Variants in SLC16A1 observed in about 807,000 individuals in gnomAD.
SLC16A1 encodes solute carrier family 16 member 1.
Under a neutral mutation model 32.2 loss-of-function variants are expected in SLC16A1, and 11 were observed. The ratio of observed to expected loss-of-function variants is 0.34; its 90% confidence interval spans 0.21 to 0.56. SLC16A1 has a LOEUF of 0.56. Among genes scored for constraint, SLC16A1 ranks in the 20% least tolerant of loss-of-function variants. The pLI, the probability that SLC16A1 is intolerant of heterozygous loss-of-function variation, is 0.87. For missense variants in SLC16A1, 435 were observed against 615.0 expected, an observed-to-expected ratio of 0.71 and a Z score of 3.10; for synonymous variants, 231 against 226.8, an observed-to-expected ratio of 1.02 and a Z score of -0.17.
intron 2 of SLC16A1, among the ~76,000 whole-genome samples, chr1:112,928,296 C>A (rs1649008684): frequency 6.6e-6 from 1 of 152,142 alleles, no homozygotes; most frequent in Admixed American, 6.5e-5. Context: ...ATATTACTGT[C>A]TCAAAAGGAT....
chr1:112,955,662 G>A (rs72683452), intron 1 of SLC16A1: 27,547 of 152,126 alleles, frequency 0.18, 2,750 homozygotes, highest in Non-Finnish European at 0.23. Flanking sequence ...ACCACATGCA[G>A]CAGCCTCATG....
At chr1:112,923,746 AG>A in intron 2 of SLC16A1, 1 of 1,525,770 alleles carries the variant, frequency 6.6e-7, no homozygotes, top group Non-Finnish European at 9.1e-7. Flanking sequence ...CAGCTGCACC[AG>A]GAGGGCAAGT....
chr1:112,925,298 G>A (rs1406266337), intron 2 of SLC16A1, among the ~76,000 whole-genome samples: 2 of 151,990 alleles, frequency 1.3e-5, no homozygotes, highest in African/African-American at 4.8e-5. Context: ...GCCTCCAAAA[G>A]TGCTGGGATT....
chr1:112,924,383 CCT>C lies in SLC16A1; in HGVS notation c.218-2252_218-2251del, dbSNP rs747043111. 1,050 of 1,182,768 alleles carry C rather than the reference CCT, an allele frequency of 8.9e-4. 1 individual carries two copies. The highest frequency in any genetic ancestry group is 1.2e-3 in the Non-Finnish European group (922 of 788,230). The allele number at this position is 1,182,768 out of a possible 1,614,324, so 73.3% of individuals were successfully genotyped here. On this transcript the variant is annotated intron_variant, in intron 2 of 4. Coordinates refer to ENST00000369626, the MANE Select transcript of SLC16A1 (RefSeq NM_003051.4). Reference sequence around the variant, plus strand: ...CAGGTTGCCCAAGGCTCTTCTGTAACCTCTTTTGTTTCTCACACTTTCTTTAA... The same window carrying C: ...CAGGTTGCCCAAGGCTCTTCTGTAACCTTTTGTTTCTCACACTTTCTTTAA...
Position 112,913,663 on chromosome 1 carries a change from AAACAG to A in SLC16A1, c.*223_*227del. On this transcript the variant is annotated 3_prime_UTR_variant, in exon 5 of 5. Coordinates refer to ENST00000369626, the MANE Select transcript of SLC16A1 (RefSeq NM_003051.4). The stretch of plus-strand genomic sequence containing the variant: ...TAAAAGCTAAGATTAAAACAAAACA[AAACAG>A]AACCTACTTCTTTCCCCCATCCTTT... The A allele has an allele frequency of 6.8e-6, 4 of 585,078 alleles. No individual in the cohort carries two copies. The South Asian group carries it at 8.0e-5, about 12-fold the overall frequency. 36.2% of individuals were successfully genotyped at this position (585,078 alleles called of 1,614,324 possible). A position where few individuals can be genotyped will look rare whatever the true frequency, so the allele number is the denominator to read the frequency against.
At chr1:112,953,606 A>G (rs1294060993) in intron 1 of SLC16A1, among the ~76,000 whole-genome samples, 1 of 152,004 alleles carries the variant, frequency 6.6e-6, no homozygotes, top group Non-Finnish European at 1.5e-5. Flanking sequence ...ATTTTCTCAT[A>G]CTGTCTATCT....
chr1:112,939,830 T>C (rs866009008), intron 1 of SLC16A1, among the ~76,000 whole-genome samples: 1 of 152,044 alleles, frequency 6.6e-6, no homozygotes, highest in South Asian at 2.1e-4. Context: ...AAATGAGTTA[T>C]GTATTATTTC....
intron 1 of SLC16A1, among the ~76,000 whole-genome samples, chr1:112,941,337 G>A (rs915905781): frequency 2.1e-5 from 3 of 144,202 alleles, no homozygotes; most frequent in Non-Finnish European, 4.5e-5. Flanking sequence ...GCTGGAGTGC[G>A]ATGGTACGAT....
rs1442362637 is a variant in SLC16A1, at chr1:112,917,529, A to G, written c.877T>C (p.Tyr293His). The change falls in exon 4 of 5, where the codon TAT becomes CAT. Residue 293 changes from tyrosine (Y) to histidine (H), a missense_variant. Coordinates refer to ENST00000369626, the MANE Select transcript of SLC16A1 (RefSeq NM_003051.4). This position sits in a 1 kb window ranked among gnomAD's most constrained non-coding sequence, Gnocchi z 4.1. ...FLSSYGKSQH[Y>H]SSEKSAFLLS... ...AGGAAGGCAGACTTCTCACTAGAAT[A>G]ATGCTGACTCTTCCCATAACTACTA... is the stretch of plus-strand genomic sequence containing the variant. The G allele has an allele frequency of 2.5e-6, 4 of 1,614,100 alleles. No homozygotes were observed. Among genetic ancestry groups the G allele is most frequent in the Non-Finnish European group, 3.4e-6 (4 of 1,180,048 alleles).
intron 1 of SLC16A1, among the ~76,000 whole-genome samples, chr1:112,938,734 T>A (rs1262553834): frequency 6.6e-6 from 1 of 152,174 alleles, no homozygotes; most frequent in Non-Finnish European, 1.5e-5. Flanking sequence ...GGCCTATCTT[T>A]CAGAATTCTG....
At chr1:112,952,406 G>A (rs932201747) in intron 1 of SLC16A1, among the ~76,000 whole-genome samples, 3 of 152,168 alleles carry the variant, frequency 2.0e-5, no homozygotes, top group Non-Finnish European at 4.4e-5. Flanking sequence ...AGATTAAAAA[G>A]TTTAAGAGAC....
Position 112,933,434 on chromosome 1 carries a change from C to T in SLC16A1, c.-44-4082G>A, listed in dbSNP as rs565632987. 4.3e-4 allele frequency among the ~76,000 whole-genome samples: 62 copies of T among 142,840 alleles called. 1 individual carries two copies. The highest frequency in any genetic ancestry group is 1.0e-3 in the African/African-American group (40 of 38,496). 93.7% of individuals were successfully genotyped at this position (142,840 alleles called of 152,430 possible). A position where few individuals can be genotyped will look rare whatever the true frequency, so the allele number is the denominator to read the frequency against. The stretch of plus-strand genomic sequence containing the variant: ...TCACGCCACTGCACTCCAGCATGGC[C>T]GACACAGCGAGACTGCGTCTCAAAA... On this transcript the variant is annotated intron_variant, in intron 1 of 4. Transcript: ENST00000369626.
intron 1 of SLC16A1, among the ~76,000 whole-genome samples, chr1:112,943,224 T>C (rs1649570692): frequency 6.6e-6 from 1 of 152,190 alleles, no homozygotes; most frequent in Non-Finnish European, 1.5e-5. Flanking sequence ...CCCATTCATT[T>C]TAAATTGAAA....
At chr1:112,920,770 T>C (rs1648696670) in intron 3 of SLC16A1, among the ~76,000 whole-genome samples, 1 of 152,126 alleles carries the variant, frequency 6.6e-6, no homozygotes, top group Non-Finnish European at 1.5e-5. Context: ...ACGTTTTGAA[T>C]ACATAAAAAT....
At chr1:112,923,567 A>G in intron 2 of SLC16A1, 1 of 1,310,696 alleles carries the variant, frequency 7.6e-7, no homozygotes, top group Non-Finnish European at 1.1e-6. Context: ...GTGGCCTGAA[A>G]ATTGATACCA....
chr1:112,943,053 C>T (rs1649564243), intron 1 of SLC16A1, among the ~76,000 whole-genome samples: 1 of 152,066 alleles, frequency 6.6e-6, no homozygotes, highest in Admixed American at 6.6e-5. Context: ...CTTAATTCTC[C>T]TTGTAAGAAA....
chr1:112,949,922 AAAAAT>A (rs1231066376), intron 1 of SLC16A1, among the ~76,000 whole-genome samples: 2 of 152,330 alleles, frequency 1.3e-5, no homozygotes, highest in East Asian at 1.9e-4. Context: ...TGTGCTTTTA[AAAAAT>A]AAAATAAGAT....
At chr1:112,932,230 A>G (rs1649157888) in intron 1 of SLC16A1, among the ~76,000 whole-genome samples, 1 of 152,146 alleles carries the variant, frequency 6.6e-6, no homozygotes, top group Admixed American at 6.5e-5. Context: ...AGGCATAAAG[A>G]ATGGAAAAGA....
rs1000808169 is a variant in SLC16A1, at chr1:112,912,974, A to G, written c.*917T>C. On this transcript the variant is annotated 3_prime_UTR_variant, in exon 5 of 5. Transcript: ENST00000369626. The stretch of plus-strand genomic sequence containing the variant: ...TTAACTGAGGTTTTGGAAAAACTTA[A>G]GTGAATTCAGCTGATGTTTGAAATA... 6.6e-6 allele frequency: 1 copy of G among 152,210 alleles called. No individual in the cohort carries two copies. Among genetic ancestry groups the G allele is most frequent in the Admixed American group, 6.5e-5 (1 of 15,278 alleles). The allele number at this position is 152,210 out of a possible 1,614,324, so 9.4% of individuals were successfully genotyped here. A position where few individuals can be genotyped will look rare whatever the true frequency, so the allele number is the denominator to read the frequency against.
Sources: allele counts gnomAD v4.1 joint callset (sites outside exome capture counted in the v4.1 genomes callset), GRCh38; gene constraint gnomAD v4.1.1; non-coding constraint Gnocchi (gnomAD v3.1); transcripts MANE v1.5; gene names NCBI Gene and HGNC (gene_info 2026-07-23, HGNC 2026-07-21).